Variants in ZBTB20 observed in about 807,000 individuals in gnomAD.
ZBTB20 encodes zinc finger and BTB domain containing 20.
A neutral mutation model predicts 56.9 loss-of-function variants in ZBTB20; 9 were observed. That is an observed-to-expected ratio of 0.16 (90% CI 0.10 to 0.28). The LOEUF (loss-of-function observed/expected upper bound fraction) is 0.28, where lower values mean the gene tolerates loss of function less well. ZBTB20 is among the 10% of genes least tolerant of loss of function. The probability of loss-of-function intolerance (pLI) is 1.00; values close to 1 mark genes in which losing one functional copy is unlikely to be tolerated. For missense variants in ZBTB20, 655 were observed against 1,003.0 expected, an observed-to-expected ratio of 0.65 and a Z score of 4.69; for synonymous variants, 417 against 420.7, an observed-to-expected ratio of 0.99 and a Z score of 0.11.
At chr3:114,617,626 C>A (rs578123202) in intron 6 of ZBTB20, among the ~76,000 whole-genome samples, 1 of 152,308 alleles carries the variant, frequency 6.6e-6, no homozygotes, top group South Asian at 2.1e-4. Context: ...AATGCCTTCA[C>A]AACAGCATAT....
At chr3:114,887,489 T>C (rs1397649994) in intron 4 of ZBTB20, among the ~76,000 whole-genome samples, 1 of 152,090 alleles carries the variant, frequency 6.6e-6, no homozygotes, top group Non-Finnish European at 1.5e-5. Context: ...CTAAATCCAA[T>C]AACTGATATG....
intron 7 of ZBTB20, among the ~76,000 whole-genome samples, chr3:114,455,596 G>C (rs1339211642): frequency 6.6e-6 from 1 of 152,106 alleles, no homozygotes; most frequent in Non-Finnish European, 1.5e-5. Context: ...GTCAGATGCC[G>C]AATCTAGATC....
intron 5 of ZBTB20, among the ~76,000 whole-genome samples, chr3:114,788,887 AG>A (rs2070745197): frequency 1.3e-5 from 2 of 152,162 alleles, no homozygotes; most frequent in Non-Finnish European, 2.9e-5. Context: ...GAGGCAGGCG[AG>A]AGAGTGTGTG....
rs1370977890 is a variant in ZBTB20 at position 114,632,766 on chromosome 3, G to A, written c.-295+60762C>T. Among the ~76,000 whole-genome samples the A allele has an allele frequency of 2.6e-5, 4 of 152,100 alleles. No homozygotes were observed. The East Asian group carries it at 5.8e-4, about 22-fold the overall frequency. Reference sequence around the variant, plus strand: ...TCATGAGAATACAGAATGGAAGGGAGGCACATGGGCTGATAATCAGGTAAT... The same window carrying A: ...TCATGAGAATACAGAATGGAAGGGAAGCACATGGGCTGATAATCAGGTAAT... On this transcript the variant is annotated intron_variant, in intron 6 of 11. Coordinates refer to ENST00000675478, the MANE Select transcript of ZBTB20 (RefSeq NM_001348800.3).
At chr3:114,398,141 T>A (rs2086495049) in intron 7 of ZBTB20, among the ~76,000 whole-genome samples, 1 of 152,156 alleles carries the variant, frequency 6.6e-6, no homozygotes, top group Admixed American at 6.6e-5. Flanking sequence ...AAATGTATCC[T>A]TTATGAAATT....
At position 115,102,008 on chromosome 3, in the gene ZBTB20, T is replaced by C. The variant is rs531361643; in HGVS notation, c.-702-30594A>G. ...AATGTCAAATAAATTTTGGGTCATG[T>C]TTAGAATACAGATCAATATTGCTTT... is the stretch of plus-strand genomic sequence containing the variant. On this transcript the variant is annotated intron_variant, in intron 1 of 11. Coordinates refer to ENST00000675478, the MANE Select transcript of ZBTB20 (RefSeq NM_001348800.3). 4.6e-5 allele frequency among the ~76,000 whole-genome samples: 7 copies of C among 152,348 alleles called. No individual in the cohort carries two copies. In the East Asian group the frequency reaches 1.2e-3, roughly 25 times the overall value.
chr3:114,517,201 G>T (rs2046101541), intron 6 of ZBTB20, among the ~76,000 whole-genome samples: 1 of 152,128 alleles, frequency 6.6e-6, no homozygotes, highest in Non-Finnish European at 1.5e-5. Context: ...GCAAACATTT[G>T]TTGAGTATCT....
chr3:114,890,832 A>G (rs538011594), intron 4 of ZBTB20, among the ~76,000 whole-genome samples: 1 of 152,336 alleles, frequency 6.6e-6, no homozygotes, highest in East Asian at 1.9e-4. Context: ...TTAAACTAAT[A>G]ATTATATAAC....
At chr3:114,363,008 A>G (rs1014539254) in intron 10 of ZBTB20, among the ~76,000 whole-genome samples, 1 of 152,352 alleles carries the variant, frequency 6.6e-6, no homozygotes, top group Non-Finnish European at 1.5e-5. Flanking sequence ...TTTACAAAGT[A>G]AATATGCAAT....
intron 1 of ZBTB20, chr3:115,102,946 C>T (rs2083623997): frequency 6.7e-6 from 1 of 148,936 alleles, no homozygotes; most frequent in South Asian, 2.1e-4. Context: ...GCCTTGGCAA[C>T]AGAGCAAGAC....
At chr3:114,726,163 C>T (rs773267621) in intron 5 of ZBTB20, among the ~76,000 whole-genome samples, 1 of 152,030 alleles carries the variant, frequency 6.6e-6, no homozygotes, top group Non-Finnish European at 1.5e-5. Flanking sequence ...GAGGAAGAGA[C>T]ATTTGAATGG....
chr3:114,753,431 A>ACACACACACG lies in ZBTB20; in HGVS notation c.-343+47669_-343+47670insCGTGTGTGTG, dbSNP rs2067757782. Among the ~76,000 whole-genome samples the ACACACACACG allele has an allele frequency of 3.4e-5, 5 of 145,540 alleles. 1 individual carries two copies. The highest frequency in any genetic ancestry group is 1.3e-4 in the African/African-American group (5 of 39,338). On this transcript the variant is annotated intron_variant, in intron 5 of 11. Transcript: ENST00000675478. ...CACACACGTATATATATATATATAT[A>ACACACACACG]TACACACACACTTTTTTTTTTGAGA... is the stretch of plus-strand genomic sequence containing the variant.
intron 6 of ZBTB20, among the ~76,000 whole-genome samples, chr3:114,562,880 T>C (rs146867498): frequency 2.2e-4 from 34 of 152,322 alleles, no homozygotes; most frequent in African/African-American, 8.2e-4. Context: ...TATATGGGTG[T>C]GGTTTGTGGC....
At chr3:114,715,365 G>A (rs960136793) in intron 5 of ZBTB20, among the ~76,000 whole-genome samples, 7 of 152,102 alleles carry the variant, frequency 4.6e-5, no homozygotes, top group African/African-American at 7.2e-5. Context: ...TTTCCCCTCC[G>A]GGAGGCTTTT....
intron 4 of ZBTB20, among the ~76,000 whole-genome samples, chr3:114,820,248 T>G (rs912444861): frequency 6.6e-6 from 1 of 151,972 alleles, no homozygotes; most frequent in Non-Finnish European, 1.5e-5. Context: ...TAAAATTTTT[T>G]GGTACATAAT....
intron 8 of ZBTB20, chr3:114,387,339 T>C (rs2085269792): frequency 6.6e-6 from 1 of 152,236 alleles, no homozygotes; most frequent in Non-Finnish European, 1.5e-5. Context: ...TTTATTATTA[T>C]TATTTCTCTT....
intron 10 of ZBTB20, among the ~76,000 whole-genome samples, chr3:114,379,917 C>T (rs989667226): frequency 6.6e-6 from 1 of 152,086 alleles, no homozygotes; most frequent in Non-Finnish European, 1.5e-5. Context: ...TTATCCAGAT[C>T]AAGAATAAAT....
chr3:114,489,353 G>C (rs1254328869), intron 7 of ZBTB20, among the ~76,000 whole-genome samples: 4 of 152,036 alleles, frequency 2.6e-5, no homozygotes, highest in African/African-American at 9.7e-5. Context: ...GTACATCATA[G>C]TTCTTCCCTT....
chr3:114,776,261 G>GAAAAAA (rs374655709), intron 5 of ZBTB20, among the ~76,000 whole-genome samples: 1 of 136,406 alleles, frequency 7.3e-6, no homozygotes. Flanking sequence ...TAATTTAAAT[G>GAAAAAA]AAAAAAAAAA....
Sources: gnomAD v4.1 joint callset for allele counts (sites outside exome capture counted in the v4.1 genomes callset) on GRCh38, gnomAD v4.1.1 for gene constraint, MANE v1.5 for transcripts, NCBI Gene and HGNC (gene_info 2026-07-23, HGNC 2026-07-21) for gene names.